The following CDC42BPB variants were observed in gnomAD, a reference collection of about 807,000 sequenced individuals.
CDC42BPB encodes serine/threonine-protein kinase MRCK beta.
CDC42BPB carries 37 observed loss-of-function variants against 214.9 expected under a neutral mutation model. The ratio of observed to expected loss-of-function variants is 0.17; its 90% confidence interval spans 0.13 to 0.23. The LOEUF is 0.23. Ranked by LOEUF, CDC42BPB falls within the 10% of genes least tolerant of loss-of-function variation. The pLI, the probability that CDC42BPB is intolerant of heterozygous loss-of-function variation, is 1.00. For synonymous variants in CDC42BPB, 931 were observed against 884.0 expected, an observed-to-expected ratio of 1.05 and a Z score of -0.94; for missense variants, 1,694 against 2,227.0, an observed-to-expected ratio of 0.76 and a Z score of 4.82.
At chr14:103,053,691 G>A (rs1475714797) in intron 1 of CDC42BPB, among the ~76,000 whole-genome samples, 1 of 151,116 alleles carries the variant, frequency 6.6e-6, no homozygotes, top group Admixed American at 6.6e-5. Flanking sequence ...GAACCCGGGA[G>A]GCAGAGCTTG....
rs1351846047 is a variant in CDC42BPB at position 102,932,587 on chromosome 14, G to C, written c.*1125C>G. The C allele has an allele frequency of 6.6e-6, 1 of 152,452 alleles. No homozygotes were observed. Among genetic ancestry groups the C allele is most frequent in the Non-Finnish European group, 1.5e-5 (1 of 68,032 alleles). 9.4% of individuals were successfully genotyped at this position (152,452 alleles called of 1,614,324 possible). A position where few individuals can be genotyped will look rare whatever the true frequency, so the allele number is the denominator to read the frequency against. ...GGCCACTCAGTGCCGACTTGGGGAA[G>C]TGCACGTCCTGAACAGCCTTGCCAA... On this transcript the variant is annotated 3_prime_UTR_variant, in exon 37 of 37. Coordinates refer to ENST00000361246, the MANE Select transcript of CDC42BPB (RefSeq NM_006035.4).
intron 1 of CDC42BPB, among the ~76,000 whole-genome samples, chr14:103,026,478 A>T (rs1887061986): frequency 6.6e-6 from 1 of 152,200 alleles, no homozygotes; most frequent in Non-Finnish European, 1.5e-5. Context: ...AAACATGAAA[A>T]ACAGGTAAGT....
intron 23 of CDC42BPB, chr14:102,952,853 G>A: frequency 4.0e-6 from 2 of 501,312 alleles, no homozygotes; most frequent in Non-Finnish European, 5.2e-6. Context: ...ACCAAAAAGC[G>A]AGGTCAGCTG....
At chr14:103,022,035 G>C (rs759407489) in intron 1 of CDC42BPB, among the ~76,000 whole-genome samples, 9 of 152,144 alleles carry the variant, frequency 5.9e-5, no homozygotes, top group Non-Finnish European at 1.3e-4. Flanking sequence ...CCAGAGAGAA[G>C]CCCAAGGTGC....
In CDC42BPB at chr14:103,001,782, G is replaced by A. The variant is rs184455568; in HGVS notation, c.448-2069C>T. Among the ~76,000 whole-genome samples the A allele has an allele frequency of 4.3e-4, 65 of 152,306 alleles. No homozygotes were observed. Among genetic ancestry groups the A allele is most frequent in the African/African-American group, 1.5e-3 (63 of 41,554 alleles). On this transcript the variant is annotated intron_variant, in intron 4 of 36. Transcript: ENST00000361246. This position sits in a 1 kb window ranked among gnomAD's most constrained non-coding sequence, Gnocchi z 5.8. ...GGCCCTCGGGCCCCTAAGGAAGGCC[G>A]TGGGGTCGAGTCAAGCCCTTACTAG...
At chr14:103,016,343 C>T (rs544388220) in intron 1 of CDC42BPB, among the ~76,000 whole-genome samples, 2 of 152,368 alleles carry the variant, frequency 1.3e-5, no homozygotes, top group Admixed American at 6.5e-5. Context: ...GTCGTCCTCC[C>T]GCCTCCCAGC....
In CDC42BPB at chr14:102,962,068, A is replaced by G. The variant is rs560509265; in HGVS notation, c.2821+993T>C. ...CCTCAAACATATAAAAAGATGCTCA[A>G]TCTTACTTATGAGAAATATGCAAGT... On this transcript the variant is annotated intron_variant, in intron 20 of 36. Coordinates refer to ENST00000361246, the MANE Select transcript of CDC42BPB (RefSeq NM_006035.4). Among the ~76,000 whole-genome samples, 6 of 152,342 alleles carry G rather than the reference A, an allele frequency of 3.9e-5. 1 individual carries two copies. The East Asian group carries it at 5.8e-4, about 15-fold the overall frequency.
In CDC42BPB at chr14:103,057,546, G is replaced by GCCCGAC. The variant is rs528758635; in HGVS notation, c.-374_-373insGTCGGG. 1,209 of 150,828 alleles carry GCCCGAC rather than the reference G, an allele frequency of 8.0e-3. 17 individuals carry two copies. Among genetic ancestry groups the GCCCGAC allele is most frequent in the Middle Eastern group, 0.031 (9 of 290 alleles). 9.3% of individuals were successfully genotyped at this position (150,828 alleles called of 1,614,324 possible). A position where few individuals can be genotyped will look rare whatever the true frequency, so the allele number is the denominator to read the frequency against. ...CTGCGCAAGCCCGGCCGGCGCCCGA[G>GCCCGAC]CCCGACCCCAGCCCCGACCCGGCGG... On this transcript the variant is annotated 5_prime_UTR_variant, in exon 1 of 37. Transcript: ENST00000361246.
chr14:102,960,611 C>T (rs923338631), intron 20 of CDC42BPB, among the ~76,000 whole-genome samples: 2 of 151,968 alleles, frequency 1.3e-5, no homozygotes, highest in African/African-American at 2.4e-5. Context: ...CCCTGTCACA[C>T]ACACAAAAAA....
At chr14:102,946,415 GC>G (rs765192448) in intron 28 of CDC42BPB, 52 bp downstream of exon 28, 60 of 1,592,354 alleles carry the variant, frequency 3.8e-5, no homozygotes, top group Non-Finnish European at 5.0e-5. Flanking sequence ...CTGCAGCGCC[GC>G]CGGAAGTGCT....
At chr14:103,056,561 A>AGGTGCG (rs1002521846) in intron 1 of CDC42BPB, among the ~76,000 whole-genome samples, 3 of 125,834 alleles carry the variant, frequency 2.4e-5, no homozygotes, top group Admixed American at 7.8e-5. Context: ...CCCAAAGGCG[A>AGGTGCG]GGTGCGGGGG....
At chr14:102,954,896 A>C (rs1413014034) in intron 21 of CDC42BPB, 1 of 754,314 alleles carries the variant, frequency 1.3e-6, no homozygotes, top group Non-Finnish European at 1.6e-6. Context: ...GGACCCCTGC[A>C]CTTGGCTTCC....
rs79076798 is a variant in CDC42BPB, at chr14:102,989,485, T to A, written c.597-2905A>T. ...TTCTACATTTATAATTGCAAAATAT[T>A]GGAAACTATCTAAATGTCCACTCTT... On this transcript the variant is annotated intron_variant, in intron 5 of 36. Transcript: ENST00000361246. 6.0e-3 allele frequency among the ~76,000 whole-genome samples: 915 copies of A among 152,358 alleles called. 13 individuals are homozygous for A. The highest frequency in any genetic ancestry group is 0.021 in the African/African-American group (875 of 41,582).
chr14:103,032,720 C>T (rs1190463163), intron 1 of CDC42BPB, among the ~76,000 whole-genome samples: 2 of 148,328 alleles, frequency 1.3e-5, no homozygotes, highest in East Asian at 2.0e-4. Context: ...GCGACCTCTG[C>T]CTCCCGGGTT....
intron 21 of CDC42BPB, among the ~76,000 whole-genome samples, chr14:102,956,733 G>A (rs1892721450): frequency 1.3e-5 from 2 of 152,200 alleles, no homozygotes; most frequent in African/African-American, 4.8e-5. Flanking sequence ...GGAGGCTGAG[G>A]CAGGAGAATC....
chr14:103,026,096 C>A (rs574957622), intron 1 of CDC42BPB, among the ~76,000 whole-genome samples: 1 of 152,100 alleles, frequency 6.6e-6, no homozygotes, highest in Non-Finnish European at 1.5e-5. Context: ...AGAACTCAAA[C>A]TACGAAACAC....
chr14:103,053,134 G>A (rs1353540020), intron 1 of CDC42BPB, among the ~76,000 whole-genome samples: 1 of 151,636 alleles, frequency 6.6e-6, no homozygotes, highest in African/African-American at 2.4e-5. Flanking sequence ...TGGATCACGA[G>A]GTCAGGACTT....
At chr14:103,051,806 G>A (rs1566928890) in intron 1 of CDC42BPB, among the ~76,000 whole-genome samples, 1 of 152,102 alleles carries the variant, frequency 6.6e-6, no homozygotes. Context: ...GAGAGACACT[G>A]CTGCTCACTG....
intron 1 of CDC42BPB, among the ~76,000 whole-genome samples, chr14:103,018,452 C>A (rs1886587209): frequency 6.6e-6 from 1 of 152,184 alleles, no homozygotes; most frequent in South Asian, 2.1e-4. Flanking sequence ...ATACAGCCAC[C>A]ACCGCCCCAT....
Sources: allele counts gnomAD v4.1 joint callset (sites outside exome capture counted in the v4.1 genomes callset), GRCh38; gene constraint gnomAD v4.1.1; non-coding constraint Gnocchi (gnomAD v3.1); transcripts MANE v1.5; gene names NCBI Gene and HGNC (gene_info 2026-07-23, HGNC 2026-07-21).